Variants in ADAMTSL1 observed in about 807,000 individuals in gnomAD.
The protein encoded by ADAMTSL1 is ADAMTS-like protein 1.
A neutral mutation model predicts 201.8 loss-of-function variants in ADAMTSL1; 126 were observed. The observed-to-expected ratio is 0.62, with a 90% CI of 0.54 to 0.72. The LOEUF is 0.72. Among genes scored for constraint, ADAMTSL1 ranks in the 30% least tolerant of loss-of-function variants. The probability of loss-of-function intolerance (pLI) is 0.00; values close to 1 mark genes in which losing one functional copy is unlikely to be tolerated. For synonymous variants in ADAMTSL1, 1,121 were observed against 903.4 expected (o/e 1.24, Z -4.32); for missense variants, 2,679 against 2,277.8 (o/e 1.18, Z -3.59).
chr9:18,582,018 C>G (rs1048564035), intron 4 of ADAMTSL1, among the ~76,000 whole-genome samples: 19 of 152,188 alleles, frequency 1.2e-4, no homozygotes, highest in Non-Finnish European at 2.4e-4. Flanking sequence ...TCACGTCAGT[C>G]TTTCTTGCAA....
At chr9:18,520,397 C>T (rs542581205) in intron 2 of ADAMTSL1, among the ~76,000 whole-genome samples, 3 of 152,304 alleles carry the variant, frequency 2.0e-5, no homozygotes, top group Admixed American at 2.0e-4. Context: ...GCACTACATT[C>T]AGAACATTTT....
intron 23 of ADAMTSL1, among the ~76,000 whole-genome samples, chr9:18,870,706 A>G (rs902450843): frequency 2.6e-5 from 4 of 152,070 alleles, no homozygotes; most frequent in South Asian, 2.1e-4. Context: ...ACCTGTTGCA[A>G]TTGCCAGGTT....
intron 2 of ADAMTSL1, among the ~76,000 whole-genome samples, chr9:18,311,483 C>T (rs75788499): frequency 0.018 from 2,721 of 152,182 alleles, 75 homozygotes; most frequent in African/African-American, 0.06. Flanking sequence ...GTAGTAGCTG[C>T]CCAGTAGCTG....
At position 17,976,818 on chromosome 9, in the gene ADAMTSL1, C is replaced by G. The variant is rs547619636; in HGVS notation, c.87+69896C>G. Among the ~76,000 whole-genome samples, 357 of 151,374 alleles carry G rather than the reference C, an allele frequency of 2.4e-3. 1 individual carries two copies. Among genetic ancestry groups the G allele is most frequent in the Non-Finnish European group, 3.7e-3 (249 of 67,866 alleles). On this transcript the variant is annotated intron_variant, in intron 1 of 29. Coordinates refer to the ADAMTSL1 transcript ENST00000680146. The stretch of plus-strand genomic sequence containing the variant: ...ACTTATTTCTTTCTAATTTGGATGC[C>G]TTTTATTTTGTTTTTCTTGCCTAGT...
intron 1 of ADAMTSL1, among the ~76,000 whole-genome samples, chr9:18,083,970 A>T (rs1292038476): frequency 3.9e-5 from 6 of 152,194 alleles, no homozygotes; most frequent in Non-Finnish European, 8.8e-5. Flanking sequence ...AGTAAAGATG[A>T]AATAAAGCAT....
At chr9:18,229,988 C>T (rs1217818950) in intron 2 of ADAMTSL1, among the ~76,000 whole-genome samples, 1 of 152,184 alleles carries the variant, frequency 6.6e-6, no homozygotes, top group Non-Finnish European at 1.5e-5. Context: ...TGTGCCACCG[C>T]ACCCAGCCAT....
Position 18,574,065 on chromosome 9 carries a change from G to A in ADAMTSL1, c.273G>A (p.Gln91=), listed in dbSNP as rs765440505. The A allele has an allele frequency of 6.1e-5, 98 of 1,613,886 alleles. No individual in the cohort carries two copies. The highest frequency in any genetic ancestry group is 7.8e-5 in the Non-Finnish European group (92 of 1,179,996). The change falls in exon 4 of 29, where the codon CAG becomes CAA. Residue 91 remains glutamine, a synonymous_variant. Coordinates refer to ENST00000380548, the MANE Select transcript of ADAMTSL1 (RefSeq NM_001040272.6). The part of the protein sequence containing the change: ...CPPEAGDFRA[Q]QCSAHNDVKH... Reference sequence around the variant, plus strand: ...CAGAAGCAGGTGATTTCCGAGCTCAGCAATGCTCAGCTCATAATGATGTCA... The same window carrying A: ...CAGAAGCAGGTGATTTCCGAGCTCAACAATGCTCAGCTCATAATGATGTCA...
chr9:18,863,057 G>A (rs1001980868), intron 23 of ADAMTSL1, among the ~76,000 whole-genome samples: 1 of 152,138 alleles, frequency 6.6e-6, no homozygotes. Context: ...CCCCCTAGAG[G>A]TGGCCCAGTC....
At chr9:18,525,088 G>A (rs138491119) in intron 2 of ADAMTSL1, among the ~76,000 whole-genome samples, 2 of 151,998 alleles carry the variant, frequency 1.3e-5, no homozygotes, top group East Asian at 3.9e-4. Context: ...TTTTTGGTTG[G>A]TAGGCTATTA....
chr9:18,270,314 A>G (rs141477434), intron 2 of ADAMTSL1, among the ~76,000 whole-genome samples: 2 of 152,110 alleles, frequency 1.3e-5, no homozygotes, highest in Non-Finnish European at 2.9e-5. Context: ...TCACTCCCCA[A>G]TACCATCATC....
At chr9:18,435,918 G>T (rs549413273) in intron 2 of ADAMTSL1, among the ~76,000 whole-genome samples, 25 of 152,322 alleles carry the variant, frequency 1.6e-4, no homozygotes, top group African/African-American at 5.8e-4. Flanking sequence ...ACCACAGGTG[G>T]GAATTATGGG....
chr9:18,777,223 G>C lies in ADAMTSL1; in HGVS notation c.2994G>C (p.Gln998His). 1 of 1,612,818 alleles carries C rather than the reference G, an allele frequency of 6.2e-7. No homozygotes were observed. The highest frequency in any genetic ancestry group is 1.3e-5 in the African/African-American group (1 of 75,076). The change falls in exon 19 of 29, where the codon CAG (glutamine) becomes CAC (histidine). Residue 998 changes from glutamine (Q) to histidine (H), a missense_variant. Physicochemically the swap from Gln to His is conservative, Grantham distance 24 (BLOSUM62 0). Transcript: ENST00000380548. ...PKEALQTHKH[Q>H]NGIFSNGSKA... ...AGGCCCTGCAGACCCACAAACACCA[G>C]AACGGGATCTTCTCCAACGGCAGCA...
chr9:17,924,992 T>C (rs1417673564), intron 1 of ADAMTSL1, among the ~76,000 whole-genome samples: 1 of 123,688 alleles, frequency 8.1e-6, no homozygotes, highest in Non-Finnish European at 1.7e-5. Flanking sequence ...TACAATGAAC[T>C]CAAACAAATT....
chr9:18,655,199 A>G (rs1418129324), intron 7 of ADAMTSL1, among the ~76,000 whole-genome samples: 2 of 152,232 alleles, frequency 1.3e-5, no homozygotes, highest in South Asian at 2.1e-4. Flanking sequence ...ATGTGCTTAT[A>G]CTATCTCCTT....
chr9:18,779,679 A>G (rs1821271943), intron 19 of ADAMTSL1, among the ~76,000 whole-genome samples: 1 of 152,154 alleles, frequency 6.6e-6, no homozygotes, highest in African/African-American at 2.4e-5. Context: ...CATTTTCTCC[A>G]AAAAATCCTT....
intron 2 of ADAMTSL1, among the ~76,000 whole-genome samples, chr9:18,448,759 CA>C (rs1820295182): frequency 6.6e-6 from 1 of 151,620 alleles, no homozygotes; most frequent in South Asian, 2.1e-4. Flanking sequence ...CCTCTTTCTG[CA>C]AAATAAAAAA....
At chr9:18,559,437 A>G (rs1821329297) in intron 3 of ADAMTSL1, among the ~76,000 whole-genome samples, 1 of 151,930 alleles carries the variant, frequency 6.6e-6, no homozygotes, top group South Asian at 2.1e-4. Context: ...AAGTCAGGTA[A>G]TGTGATACCT....
chr9:18,216,240 AC>A (rs1232318712), intron 2 of ADAMTSL1, among the ~76,000 whole-genome samples: 2 of 151,916 alleles, frequency 1.3e-5, no homozygotes, highest in African/African-American at 4.8e-5. Flanking sequence ...GCTCATATAC[AC>A]CCCCACCTGT....
intron 2 of ADAMTSL1, among the ~76,000 whole-genome samples, chr9:18,288,222 C>G (rs908717446): frequency 8.5e-5 from 13 of 152,104 alleles, no homozygotes; most frequent in African/African-American, 2.4e-4. Context: ...AACGCATACA[C>G]TGGAAATTAA....
Sources: allele counts gnomAD v4.1 joint callset (sites outside exome capture counted in the v4.1 genomes callset), GRCh38; gene constraint gnomAD v4.1.1; transcripts MANE v1.5; gene names NCBI Gene and HGNC (gene_info 2026-07-23, HGNC 2026-07-21).